CSMD2: variants seen among roughly 807,000 people sequenced by gnomAD.
CSMD2 encodes CUB and sushi domain-containing protein 2.
Under a neutral mutation model 398.5 loss-of-function variants are expected in CSMD2, and 130 were observed. The ratio of observed to expected loss-of-function variants is 0.33; its 90% CI spans 0.28 to 0.38. CSMD2 has a LOEUF of 0.38. CSMD2 is among the 10% of genes least tolerant of loss of function. The probability of loss-of-function intolerance (pLI) is 1.00; values close to 1 mark genes in which losing one functional copy is unlikely to be tolerated. For synonymous variants in CSMD2, 1,828 were observed against 1,908.5 expected, an observed-to-expected ratio of 0.96 and a Z score of 1.10; for missense variants, 3,829 against 4,764.9, an observed-to-expected ratio of 0.80 and a Z score of 5.78.
Position 33,525,062 on chromosome 1 carries a change from A to C in CSMD2, c.10235-19T>G. 1 of 1,613,578 alleles carries C rather than the reference A, an allele frequency of 6.2e-7. No homozygotes were observed. The highest frequency in any genetic ancestry group is 8.5e-7 in the Non-Finnish European group (1 of 1,179,696). ...CCAGGAACTAGAGGAATTGAGAAAT[A>C]GATGTGAGAGGGACTTTGTGTGTGC... is the stretch of plus-strand genomic sequence containing the variant. On this transcript the variant is annotated intron_variant, in intron 65 of 70. Transcript: ENST00000373381.
Position 34,163,274 on chromosome 1 carries a change from G to A in CSMD2, c.187+1637C>T, listed in dbSNP as rs529556084. Among the ~76,000 whole-genome samples the A allele has an allele frequency of 1.4e-3, 210 of 152,370 alleles. No homozygotes were observed. The highest frequency in any genetic ancestry group is 1.8e-3 in the Non-Finnish European group (122 of 68,038). On this transcript the variant is annotated intron_variant, in intron 1 of 70. Coordinates refer to ENST00000373381, the MANE Select transcript of CSMD2 (RefSeq NM_001281956.2). This position sits in a 1 kb window ranked among gnomAD's most constrained non-coding sequence, Gnocchi z 5.4. ...GTGGCAAGTCTGGGTGACCAGCAGCGTCGGTATGCACAGCCTCCCAGTGGG... is the reference window on the plus strand; with the variant it reads ...GTGGCAAGTCTGGGTGACCAGCAGCATCGGTATGCACAGCCTCCCAGTGGG...
rs796897264 is a variant in CSMD2, at chr1:33,703,250, G to A, written c.3577-2577C>T. On this transcript the variant is annotated intron_variant, in intron 22 of 70. Transcript: ENST00000373381. ...TCCCCAACAAAACTTGTGTAATTCT[G>A]ACTGAGCTACATTAAATGTATAGAC... 3.0e-4 allele frequency among the ~76,000 whole-genome samples: 46 copies of A among 152,260 alleles called. 1 individual carries two copies. The highest frequency in any genetic ancestry group is 1.2e-3 in the Admixed American group (19 of 15,300).
intron 25 of CSMD2, among the ~76,000 whole-genome samples, chr1:33,687,956 A>C (rs954256455): frequency 4.6e-5 from 7 of 152,242 alleles, no homozygotes; most frequent in African/African-American, 1.7e-4. Flanking sequence ...GTGAAGACTG[A>C]AAGTATTGAC....
chr1:33,599,991 T>C, intron 44 of CSMD2: 1 of 610,830 alleles, frequency 1.6e-6, no homozygotes, highest in Non-Finnish European at 3.0e-6. Flanking sequence ...TCTATCCACA[T>C]GGTTTTGGGC....
At chr1:33,993,303 A>G (rs990522176) in intron 3 of CSMD2, among the ~76,000 whole-genome samples, 7 of 152,210 alleles carry the variant, frequency 4.6e-5, no homozygotes, top group African/African-American at 7.2e-5. Flanking sequence ...TACTATTAAC[A>G]TTTATTTTTA....
intron 21 of CSMD2, among the ~76,000 whole-genome samples, chr1:33,709,916 T>C (rs1645928639): frequency 6.6e-6 from 1 of 152,098 alleles, no homozygotes; most frequent in South Asian, 2.1e-4. Context: ...ACCTCCTGGG[T>C]CCTGGGGAAA....
intron 25 of CSMD2, among the ~76,000 whole-genome samples, chr1:33,686,732 G>T (rs1399435463): frequency 6.6e-6 from 1 of 152,180 alleles, no homozygotes; most frequent in Non-Finnish European, 1.5e-5. Context: ...AGATGCATCT[G>T]CAAGCCTTCT....
At chr1:33,804,903 A>G in intron 10 of CSMD2, 1 of 717,198 alleles carries the variant, frequency 1.4e-6, no homozygotes, top group South Asian at 1.5e-5. Context: ...TCCCGCCTGG[A>G]TCAGGATAGG....
intron 2 of CSMD2, among the ~76,000 whole-genome samples, chr1:34,054,718 C>T (rs1055506181): frequency 2.6e-5 from 4 of 151,954 alleles, no homozygotes; most frequent in East Asian, 3.9e-4. Context: ...CTAGGCTGGG[C>T]GACAGAGCGA....
At chr1:33,530,652 T>C (rs1276807692) in intron 64 of CSMD2, among the ~76,000 whole-genome samples, 1 of 152,184 alleles carries the variant, frequency 6.6e-6, no homozygotes, top group Non-Finnish European at 1.5e-5. Context: ...CTCATGTTTA[T>C]TGAGGCATTA....
At chr1:34,050,337 T>C (rs1394096010) in intron 2 of CSMD2, among the ~76,000 whole-genome samples, 1 of 152,244 alleles carries the variant, frequency 6.6e-6, no homozygotes, top group African/African-American at 2.4e-5. Context: ...CTGTATGCAG[T>C]GCTTCTGCCA....
intron 5 of CSMD2, among the ~76,000 whole-genome samples, chr1:33,905,723 A>G (rs985402730): frequency 2.0e-5 from 3 of 152,200 alleles, no homozygotes; most frequent in Admixed American, 6.5e-5. Context: ...GAATGCAAGG[A>G]AAAGGAGATA....
At chr1:33,541,337 C>A in intron 58 of CSMD2, 28 bp from the exon 59 acceptor site, 1 of 1,587,886 alleles carries the variant, frequency 6.3e-7, no homozygotes, top group Middle Eastern at 1.7e-4. Flanking sequence ...TAGCATTGTT[C>A]ACTCCTGGCC....
chr1:33,872,621 T>A (rs914480425), intron 5 of CSMD2, among the ~76,000 whole-genome samples: 2 of 151,986 alleles, frequency 1.3e-5, no homozygotes, highest in African/African-American at 4.8e-5. Context: ...TTTTTTTGTG[T>A]AATAGAGGGA....
chr1:33,873,515 G>C (rs1025484108), intron 5 of CSMD2: 8 of 152,250 alleles, frequency 5.3e-5, no homozygotes, highest in African/African-American at 1.7e-4. Flanking sequence ...CTCTCTCTCT[G>C]GCTCTACTCT....
At chr1:33,814,714 C>G (rs1054680796) in intron 9 of CSMD2, among the ~76,000 whole-genome samples, 12 of 152,180 alleles carry the variant, frequency 7.9e-5, no homozygotes, top group Admixed American at 2.6e-4. Flanking sequence ...ATGTTTATAG[C>G]CACACCCAGG....
chr1:33,695,649 G>A (rs528870644), intron 24 of CSMD2, among the ~76,000 whole-genome samples: 1 of 152,336 alleles, frequency 6.6e-6, no homozygotes, highest in Non-Finnish European at 1.5e-5. Context: ...GGCTGGCAGA[G>A]TTGCCCACGC....
chr1:33,763,487 C>G (rs116427617), intron 13 of CSMD2, among the ~76,000 whole-genome samples: 2,883 of 152,266 alleles, frequency 0.019, 37 homozygotes, highest in South Asian at 0.03. Context: ...CTTTAGACCA[C>G]GCAGGGCCAC....
chr1:34,077,091 G>A (rs1656469616), intron 2 of CSMD2, among the ~76,000 whole-genome samples: 1 of 151,150 alleles, frequency 6.6e-6, no homozygotes. Context: ...GATTGGGGTA[G>A]GGAGGTAACG....
Sources: gnomAD v4.1 joint callset for allele counts (sites outside exome capture counted in the v4.1 genomes callset) on GRCh38, gnomAD v4.1.1 for gene constraint, Gnocchi (gnomAD v3.1) non-coding constraint, MANE v1.5 for transcripts, NCBI Gene and HGNC (gene_info 2026-07-23, HGNC 2026-07-21) for gene names.